COPA: variants seen among roughly 807,000 people sequenced by gnomAD.
The protein encoded by COPA is coat protein complex I subunit alpha, also known as coatomer subunit alpha.
COPA carries 10 observed loss-of-function variants against 158.7 expected under a neutral mutation model. The observed-to-expected ratio is 0.06, with a 90% CI of 0.04 to 0.11. The LOEUF is 0.11. COPA is among the 10% of genes least tolerant of loss of function. The probability of loss-of-function intolerance (pLI) is 1.00; values close to 1 mark genes in which losing one functional copy is unlikely to be tolerated. For synonymous variants in COPA, 462 were observed against 542.8 expected (o/e 0.85, Z 2.07); for missense variants, 1,065 against 1,536.7 (o/e 0.69, Z 5.13).
chr1:160,295,600 A>G, intron 23 of COPA, 136 bp downstream of exon 23: 2 of 943,430 alleles, frequency 2.1e-6, no homozygotes, highest in Non-Finnish European at 2.9e-6. Flanking sequence ...TGCACCATAA[A>G]TGACTGGCAT....
chr1:160,305,786 G>C lies in COPA; in HGVS notation c.1443-13C>G. 6.2e-7 allele frequency: 1 copy of C among 1,604,820 alleles called. No individual in the cohort carries two copies. Among genetic ancestry groups the C allele is most frequent in the Non-Finnish European group, 8.5e-7 (1 of 1,172,012 alleles). ...AGATGCCAGAGTCCTGAGATAGATA[G>C]AGATGTGCAAACATGAATGGATCTA... On this transcript the variant is annotated splice_polypyrimidine_tract_variant and intron_variant, in intron 15 of 32. Transcript: ENST00000241704.
At position 160,324,352 on chromosome 1, in the gene COPA, G is replaced by A. The variant is rs1022608846; in HGVS notation, c.607-822C>T. ...GTCATCCAGGCTGGAGTGTAGTGGT[G>A]CAATCATATTAATTGCTCCCTGAAG... On this transcript the variant is annotated intron_variant, in intron 7 of 32. Transcript: ENST00000241704. Among the ~76,000 whole-genome samples the A allele has an allele frequency of 1.6e-4, 22 of 140,920 alleles. 1 individual carries two copies. Among genetic ancestry groups the A allele is most frequent in the African/African-American group, 5.9e-4 (22 of 37,250 alleles). 92.4% of individuals were successfully genotyped at this position (140,920 alleles called of 152,430 possible).
intron 22 of COPA, 25 bp from the exon 23 acceptor site, chr1:160,295,884 A>C: frequency 1.3e-6 from 2 of 1,591,156 alleles, no homozygotes; most frequent in Non-Finnish European, 1.7e-6. Context: ...AAAAGAGGCT[A>C]AAAACAAATA....
intron 17 of COPA, among the ~76,000 whole-genome samples, chr1:160,300,390 A>AATAG (rs1658562374): frequency 1.4e-5 from 2 of 142,696 alleles, no homozygotes; most frequent in Non-Finnish European, 1.5e-5. Context: ...TAAATAAATA[A>AATAG]ATAGAAGGAT....
At chr1:160,335,138 C>CA (rs774978029) in intron 4 of COPA, 104 bp downstream of exon 4, 2 of 1,058,104 alleles carry the variant, frequency 1.9e-6, no homozygotes, top group Non-Finnish European at 2.7e-6. Context: ...AGAGCCACTC[C>CA]AAAAACAACT....
Position 160,310,272 on chromosome 1 carries a change from T to C in COPA, c.1077-14A>G, listed in dbSNP as rs181438899. ...AACTTGGAACCACTAGAGATATATA[T>C]AGAAAAAGGAGAAAACAGGGAAGAG... On this transcript the variant is annotated splice_polypyrimidine_tract_variant and intron_variant, in intron 11 of 32. Coordinates refer to ENST00000241704, the MANE Select transcript of COPA (RefSeq NM_004371.4). The C allele has an allele frequency of 1.0e-4, 158 of 1,547,498 alleles. No homozygotes were observed. The African/African-American group carries it at 1.8e-3, about 18-fold the overall frequency.
intron 17 of COPA, among the ~76,000 whole-genome samples, chr1:160,304,518 G>C (rs1459976360): frequency 6.6e-6 from 1 of 151,894 alleles, no homozygotes; most frequent in African/African-American, 2.4e-5. Flanking sequence ...ACAAAAATTA[G>C]CTGGGTGTGG....
chr1:160,317,629 C>G, intron 8 of COPA: 1 of 1,542,682 alleles, frequency 6.5e-7, no homozygotes, highest in South Asian at 1.1e-5. Context: ...TAATCATACT[C>G]CAAAAGAACT....
chr1:160,314,550 A>G (rs988024725), intron 8 of COPA, among the ~76,000 whole-genome samples: 15 of 152,192 alleles, frequency 9.9e-5, no homozygotes, highest in African/African-American at 3.6e-4. Flanking sequence ...GGATCGCCCA[A>G]GCCCAAAAGG....
chr1:160,329,040 T>TA (rs1647389075), intron 6 of COPA, among the ~76,000 whole-genome samples: 1 of 152,260 alleles, frequency 6.6e-6, no homozygotes. Flanking sequence ...CACTGGTCTT[T>TA]AACAGATCGG....
chr1:160,314,608 C>T (rs1659076207), intron 8 of COPA, among the ~76,000 whole-genome samples: 2 of 152,306 alleles, frequency 1.3e-5, no homozygotes, highest in South Asian at 4.1e-4. Flanking sequence ...CCAGGCTGGG[C>T]AACAGAGCAA....
At chr1:160,313,367 TA>T (rs1659031449) in intron 9 of COPA, among the ~76,000 whole-genome samples, 200 bp from the exon 10 acceptor site, 1 of 152,108 alleles carries the variant, frequency 6.6e-6, no homozygotes, top group Non-Finnish European at 1.5e-5. Context: ...ACCATATTAT[TA>T]TGATATATAG....
chr1:160,307,303 A>AT, intron 13 of COPA, 58 bp from the exon 14 acceptor site: 1 of 1,525,600 alleles, frequency 6.6e-7, no homozygotes, highest in Non-Finnish European at 9.1e-7. Flanking sequence ...CAGGTGACAT[A>AT]GTCGGGTGCC....
At chr1:160,333,804 T>C (rs1647642299) in intron 4 of COPA, 125 bp from the exon 5 acceptor site, 2 of 636,554 alleles carry the variant, frequency 3.1e-6, no homozygotes, top group Admixed American at 3.0e-5. Context: ...AAGGGGCTGC[T>C]GCTTTTGCTA....
Position 160,325,067 on chromosome 1 carries a change from CT to C in COPA, c.606+475del, listed in dbSNP as rs199862603. Among the ~76,000 whole-genome samples the C allele has an allele frequency of 8.3e-3, 1,191 of 143,914 alleles. 10 individuals are homozygous for C. The highest frequency in any genetic ancestry group is 0.023 in the African/African-American group (923 of 39,632). The allele number at this position is 143,914 out of a possible 152,430, so 94.4% of individuals were successfully genotyped here. On this transcript the variant is annotated intron_variant, in intron 7 of 32. Transcript: ENST00000241704. ...TAGACCACTTAATTTCTCTAAATCT[CT>C]TTTTTTTTTTTGTCTGCTAAATAGG...
chr1:160,343,036 C>T, intron 1 of COPA, 95 bp downstream of exon 1: 1 of 1,474,042 alleles, frequency 6.8e-7, no homozygotes, highest in Admixed American at 1.7e-5. Flanking sequence ...CTGGTGGGCC[C>T]ATTTCGACCA....
At chr1:160,334,443 C>G (rs1216177080) in intron 4 of COPA, among the ~76,000 whole-genome samples, 3 of 152,144 alleles carry the variant, frequency 2.0e-5, no homozygotes, top group Admixed American at 2.0e-4. Flanking sequence ...ATGGCAATGA[C>G]AAATAATTCC....
At chr1:160,330,961 A>G (rs192680532) in intron 6 of COPA, among the ~76,000 whole-genome samples, 6 of 152,136 alleles carry the variant, frequency 3.9e-5, no homozygotes, top group Non-Finnish European at 7.4e-5. Context: ...ATCACCTGAG[A>G]TCAGGAGCTC....
Position 160,309,169 on chromosome 1 carries a change from C to G in COPA, c.1151G>C (p.Ser384Thr). ...GTCATAGGTACTATTCTCTAGATTG[C>G]TAGCTCTCTGTAGAAGAAAAGGGGA... Reference protein sequence around the residue: ...ENAVLLCTRASNLENSTYDLY... With the variant: ...ENAVLLCTRATNLENSTYDLY... The change falls in exon 13 of 33, where the codon AGC becomes ACC. Residue 384 changes from serine to threonine, a missense_variant. Transcript: ENST00000241704. The G allele has an allele frequency of 6.2e-7, 1 of 1,612,356 alleles. No individual in the cohort carries two copies. Among genetic ancestry groups the G allele is most frequent in the African/African-American group, 1.3e-5 (1 of 74,980 alleles).
Sources: gnomAD v4.1 joint callset for allele counts (sites outside exome capture counted in the v4.1 genomes callset) on GRCh38, gnomAD v4.1.1 for gene constraint, MANE v1.5 for transcripts, NCBI Gene and HGNC (gene_info 2026-07-23, HGNC 2026-07-21) for gene names.